The following AHSA1 variants were observed in gnomAD, a reference collection of about 807,000 sequenced individuals.
AHSA1 encodes the protein activator of 90 kDa heat shock protein ATPase homolog 1.
AHSA1 carries 14 observed loss-of-function variants against 46.1 expected under a neutral mutation model. That is an observed-to-expected ratio of 0.30 (90% confidence interval 0.20 to 0.47). The LOEUF is 0.47. Among genes scored for constraint, AHSA1 ranks in the 20% least tolerant of loss-of-function variants. The pLI, the probability that AHSA1 is intolerant of heterozygous loss-of-function variation, is 0.99. For synonymous variants in AHSA1, 147 were observed against 145.8 expected, an observed-to-expected ratio of 1.01 and a Z score of -0.06; for missense variants, 333 against 415.9, an observed-to-expected ratio of 0.80 and a Z score of 1.73.
intron 6 of AHSA1, 100 bp downstream of exon 6, chr14:77,465,767 A>C (rs1389661739): frequency 1.5e-6 from 2 of 1,294,640 alleles, no homozygotes; most frequent in Non-Finnish European, 2.1e-6. Flanking sequence ...AGGTACTCAC[A>C]AACTCACAAC....
chr14:77,468,038 G>A (rs373509274), intron 6 of AHSA1, 45 bp from the exon 7 acceptor site: 83 of 1,290,974 alleles, frequency 6.4e-5, no homozygotes, highest in Non-Finnish European at 8.1e-5. Context: ...TGAAAGCCAT[G>A]TATCTTCTGC....
chr14:77,466,518 A>G (rs1438970056), intron 6 of AHSA1: 2 of 152,248 alleles, frequency 1.3e-5, no homozygotes, highest in African/African-American at 4.8e-5. Context: ...AAATTTCAAG[A>G]TCTTATTTTT....
chr14:77,461,545 G>A (rs2079025032), intron 2 of AHSA1, among the ~76,000 whole-genome samples: 1 of 152,118 alleles, frequency 6.6e-6, no homozygotes, highest in South Asian at 2.1e-4. Context: ...GGGAAAAGGT[G>A]GGCATCAGAA....
At chr14:77,464,496 C>T in intron 4 of AHSA1, 102 bp from the exon 5 acceptor site, 1 of 1,023,472 alleles carries the variant, frequency 9.8e-7, no homozygotes, top group Non-Finnish European at 1.5e-6. Flanking sequence ...TGGTCATAAC[C>T]TCATTCTGTG....
In AHSA1 at chr14:77,459,526, G is replaced by T. The variant is rs1263206969; in HGVS notation, c.81-90G>T. ...TTTTTGTGTTCTTTTCAAACTATTTGTCAGGCCTCCTTTAACCTCGTATTC... is the reference window on the plus strand; with the variant it reads ...TTTTTGTGTTCTTTTCAAACTATTTTTCAGGCCTCCTTTAACCTCGTATTC... On this transcript the variant is annotated intron_variant, in intron 1 of 8. Transcript: ENST00000216479. The T allele has an allele frequency of 5.3e-6, 7 of 1,330,074 alleles. No individual in the cohort carries two copies. The African/African-American group carries it at 7.3e-5, about 14-fold the overall frequency. 82.4% of individuals were successfully genotyped at this position (1,330,074 alleles called of 1,614,324 possible).
Position 77,465,592 on chromosome 14 carries a change from C to G in AHSA1, c.615C>G (p.Pro205=). 1 of 1,614,058 alleles carries G rather than the reference C, an allele frequency of 6.2e-7. No homozygotes were observed. The highest frequency in any genetic ancestry group is 1.3e-5 in the African/African-American group (1 of 75,076). The change falls in exon 6 of 9, where the codon CCC becomes CCG. Residue 205 remains proline (P), a synonymous_variant. Coordinates refer to ENST00000216479, the MANE Select transcript of AHSA1 (RefSeq NM_012111.3). ...CCAGACCTGTTGGAGTCAAAATCCC[C>G]ACTTGTAAGATCACTCTTAAGGAAA... ...TQARPVGVKI[P]TCKITLKETF... is the part of the protein sequence containing the mutation.
chr14:77,466,983 T>A (rs1241159071), intron 6 of AHSA1, among the ~76,000 whole-genome samples: 3 of 152,388 alleles, frequency 2.0e-5, no homozygotes, highest in Middle Eastern at 3.4e-3. Flanking sequence ...TTTAACCTTC[T>A]GTTTATTTTT....
chr14:77,469,267 T>A lies in AHSA1; in HGVS notation c.*18T>A. On this transcript the variant is annotated 3_prime_UTR_variant, in exon 9 of 9. Transcript: ENST00000216479. ...TATTTTAGGGCCAGCGGCAGGGGAC[T>A]CCAGCCTGCTGGACACTTCAGTCCA... is the stretch of plus-strand genomic sequence containing the variant. 3.1e-6 allele frequency: 5 copies of A among 1,612,226 alleles called. No individual in the cohort carries two copies. The highest frequency in any genetic ancestry group is 1.1e-5 in the South Asian group (1 of 90,962).
intron 5 of AHSA1, 140 bp downstream of exon 5, chr14:77,464,826 C>T: frequency 4.4e-6 from 3 of 682,090 alleles, no homozygotes; most frequent in Middle Eastern, 4.2e-4. Flanking sequence ...TTTTTCAGAG[C>T]GCCTGCAATA....
At chr14:77,460,448 G>A (rs1283656729) in intron 2 of AHSA1, among the ~76,000 whole-genome samples, 1 of 93,192 alleles carries the variant, frequency 1.1e-5, no homozygotes, top group Non-Finnish European at 2.4e-5. Flanking sequence ...GAAGTGAACA[G>A]TCATATCATA....
chr14:77,464,506 G>A, intron 4 of AHSA1, 92 bp from the exon 5 acceptor site: 1 of 1,093,898 alleles, frequency 9.1e-7, no homozygotes, highest in Non-Finnish European at 1.3e-6. Context: ...CTCATTCTGT[G>A]GTAGGATGGC....
upstream of AHSA1, chr14:77,458,085 C>T (rs2078993533): frequency 4.9e-6 from 5 of 1,018,962 alleles, no homozygotes; most frequent in Non-Finnish European, 5.4e-6. Context: ...GTGCTTGCGG[C>T]CGCTTCTAGT....
intron 6 of AHSA1, among the ~76,000 whole-genome samples, chr14:77,466,977 A>G (rs911544383): frequency 2.6e-5 from 4 of 152,198 alleles, no homozygotes; most frequent in Non-Finnish European, 5.9e-5. Context: ...AACATTTTTA[A>G]CCTTCTGTTT....
At chr14:77,466,946 C>T (rs2079050052) in intron 6 of AHSA1, among the ~76,000 whole-genome samples, 1 of 152,214 alleles carries the variant, frequency 6.6e-6, no homozygotes, top group South Asian at 2.1e-4. Context: ...TTTTAAAATA[C>T]TTTTGTATGG....
At chr14:77,464,266 A>G (rs926551985) in intron 4 of AHSA1, among the ~76,000 whole-genome samples, 1 of 152,038 alleles carries the variant, frequency 6.6e-6, no homozygotes, top group Non-Finnish European at 1.5e-5. Flanking sequence ...AATCCGAGCT[A>G]CTCAGGAGGC....
chr14:77,459,326 G>A (rs2079009231), intron 1 of AHSA1, among the ~76,000 whole-genome samples: 1 of 152,124 alleles, frequency 6.6e-6, no homozygotes, highest in African/African-American at 2.4e-5. Flanking sequence ...AAATGGGGGC[G>A]CCATGTTAAA....
At chr14:77,464,170 A>G (rs1419795107) in intron 4 of AHSA1, among the ~76,000 whole-genome samples, 1 of 152,190 alleles carries the variant, frequency 6.6e-6, no homozygotes, top group Non-Finnish European at 1.5e-5. Context: ...CAAGGTCAGG[A>G]GATCAAGACC....
intron 6 of AHSA1, 125 bp from the exon 7 acceptor site, chr14:77,467,958 G>C: frequency 1.5e-6 from 1 of 663,670 alleles, no homozygotes; most frequent in East Asian, 2.8e-5. Flanking sequence ...GGACCCGCCT[G>C]TGGGGCAGAC....
intron 5 of AHSA1, 129 bp downstream of exon 5, chr14:77,464,815 CTTTT>C: frequency 1.3e-6 from 1 of 749,576 alleles, no homozygotes; most frequent in Non-Finnish European, 2.1e-6. Context: ...GCTCATGGTG[CTTTT>C]TCAGAGCGCC....
Sources: allele counts gnomAD v4.1 joint callset (sites outside exome capture counted in the v4.1 genomes callset), GRCh38; gene constraint gnomAD v4.1.1; transcripts MANE v1.5; gene names NCBI Gene and HGNC (gene_info 2026-07-23, HGNC 2026-07-21).